The following MGAT5 variants were observed in gnomAD, a reference collection of about 807,000 sequenced individuals.
MGAT5 encodes the protein alpha-1,6-mannosylglycoprotein 6-beta-N-acetylglucosaminyltransferase.
MGAT5 carries 30 observed loss-of-function variants against 94.3 expected under a neutral mutation model. That is an observed-to-expected ratio of 0.32 (90% CI 0.24 to 0.43). The LOEUF (loss-of-function observed/expected upper bound fraction) is 0.43. Among genes scored for constraint, MGAT5 ranks in the 20% least tolerant of loss-of-function variants. The pLI is 1.00. For missense variants in MGAT5, 691 were observed against 905.5 expected (o/e 0.76, Z 3.04); for synonymous variants, 310 against 322.9 (o/e 0.96, Z 0.43).
At chr2:134,241,566 G>T (rs982134066) in intron 1 of MGAT5, among the ~76,000 whole-genome samples, 3 of 152,182 alleles carry the variant, frequency 2.0e-5, no homozygotes, top group African/African-American at 7.2e-5. Flanking sequence ...TAAATGCTGT[G>T]TATTACAGGT....
chr2:134,387,799 C>A (rs185060298), intron 10 of MGAT5, among the ~76,000 whole-genome samples: 3 of 152,218 alleles, frequency 2.0e-5, no homozygotes, highest in Non-Finnish European at 4.4e-5. Flanking sequence ...CCATTTATAG[C>A]CACAGATGGT....
chr2:134,262,482 G>C (rs1683399236), intron 1 of MGAT5, among the ~76,000 whole-genome samples: 1 of 144,356 alleles, frequency 6.9e-6, no homozygotes, highest in Non-Finnish European at 1.5e-5. Context: ...GGCCTCAAGT[G>C]ATCCTCCCAT....
intron 1 of MGAT5, among the ~76,000 whole-genome samples, chr2:134,155,171 C>T (rs911876707): frequency 1.3e-5 from 2 of 152,172 alleles, no homozygotes; most frequent in Admixed American, 1.3e-4. Flanking sequence ...GCTCTCTTTC[C>T]CCACCGCCCA....
chr2:134,161,530 C>T (rs973227575), intron 1 of MGAT5, among the ~76,000 whole-genome samples: 7 of 152,184 alleles, frequency 4.6e-5, no homozygotes, highest in Admixed American at 1.3e-4. Flanking sequence ...AAGCCTGGGC[C>T]GCTAGGAAGA....
At chr2:134,236,113 A>G (rs565044806) in intron 1 of MGAT5, among the ~76,000 whole-genome samples, 16 of 152,286 alleles carry the variant, frequency 1.1e-4, no homozygotes, top group African/African-American at 2.4e-4. Flanking sequence ...TACAAAACCA[A>G]AGTTTTGAGA....
At chr2:134,346,070 A>G (rs1688910299) in intron 8 of MGAT5, among the ~76,000 whole-genome samples, 2 of 152,174 alleles carry the variant, frequency 1.3e-5, no homozygotes, top group Admixed American at 1.3e-4. Context: ...TACCTTTTGC[A>G]TGAGGTGTTT....
At chr2:134,125,789 T>G (rs1685813289) in intron 1 of MGAT5, among the ~76,000 whole-genome samples, 1 of 152,212 alleles carries the variant, frequency 6.6e-6, no homozygotes, top group Admixed American at 6.5e-5. Flanking sequence ...CATCCCCAGC[T>G]GGGAGAATCT....
intron 1 of MGAT5, among the ~76,000 whole-genome samples, chr2:134,241,812 C>T (rs1009728649): frequency 6.6e-6 from 1 of 152,094 alleles, no homozygotes; most frequent in Non-Finnish European, 1.5e-5. Flanking sequence ...CCTCACAGGT[C>T]ATACATAAGA....
intron 10 of MGAT5, among the ~76,000 whole-genome samples, chr2:134,369,926 C>T (rs1453532639): frequency 6.6e-6 from 1 of 152,124 alleles, no homozygotes; most frequent in East Asian, 1.9e-4. Flanking sequence ...ACAGGATGGG[C>T]CCTGTCTCAA....
At chr2:134,181,289 GA>G (rs770732799) in intron 1 of MGAT5, among the ~76,000 whole-genome samples, 13 of 152,204 alleles carry the variant, frequency 8.5e-5, no homozygotes, top group Non-Finnish European at 1.9e-4. Context: ...CCACAGCCAG[GA>G]ATTATCCAGC....
intron 1 of MGAT5, among the ~76,000 whole-genome samples, chr2:134,204,349 G>C (rs1679933530): frequency 6.6e-6 from 1 of 152,162 alleles, no homozygotes; most frequent in South Asian, 2.1e-4. Flanking sequence ...TCCCTGTTCT[G>C]TACTGTGCCC....
chr2:134,271,978 G>A (rs1053953036), intron 2 of MGAT5, among the ~76,000 whole-genome samples: 1 of 152,218 alleles, frequency 6.6e-6, no homozygotes, highest in Admixed American at 6.5e-5. Flanking sequence ...GGGATGGAGT[G>A]TTCTGCCTTT....
chr2:134,229,059 A>G (rs1681215283), intron 1 of MGAT5, among the ~76,000 whole-genome samples: 2 of 152,212 alleles, frequency 1.3e-5, no homozygotes, highest in Admixed American at 1.3e-4. Context: ...GTTGTAGTTA[A>G]TAATTGTTTA....
rs1023852535 is a variant in MGAT5 at position 134,451,074 on chromosome 2, G to A, written c.*2227G>A. On this transcript the variant is annotated 3_prime_UTR_variant, in exon 16 of 16. Transcript: ENST00000281923. Reference sequence around the variant, plus strand: ...AATGCAAGTATCTGACCAACAGGGGGAGCCTGCAGGCCGAGCAAAGTTTAA... The same window carrying A: ...AATGCAAGTATCTGACCAACAGGGGAAGCCTGCAGGCCGAGCAAAGTTTAA... 6.6e-6 allele frequency: 1 copy of A among 152,096 alleles called. No individual in the cohort carries two copies. The highest frequency in any genetic ancestry group is 1.5e-5 in the Non-Finnish European group (1 of 68,036). The allele number at this position is 152,096 out of a possible 1,614,324, so 9.4% of individuals were successfully genotyped here.
chr2:134,208,424 G>A (rs1451736070), intron 1 of MGAT5, among the ~76,000 whole-genome samples: 2 of 152,170 alleles, frequency 1.3e-5, no homozygotes, highest in African/African-American at 4.8e-5. Context: ...TGACTGTTTA[G>A]GAAGCTTGGT....
At chr2:134,407,931 C>G (rs1469798502) in intron 11 of MGAT5, among the ~76,000 whole-genome samples, 1 of 152,154 alleles carries the variant, frequency 6.6e-6, no homozygotes, top group Admixed American at 6.5e-5. Flanking sequence ...CATGCTATTG[C>G]GATGCACCTG....
chr2:134,262,230 T>C (rs1215598366), intron 1 of MGAT5, among the ~76,000 whole-genome samples: 2 of 152,200 alleles, frequency 1.3e-5, no homozygotes, highest in Admixed American at 1.3e-4. Flanking sequence ...GGTGTTGTTT[T>C]TGTTTTATTT....
intron 2 of MGAT5, among the ~76,000 whole-genome samples, chr2:134,289,413 T>C (rs4954125): frequency 6.6e-6 from 1 of 152,000 alleles, no homozygotes; most frequent in African/African-American, 2.4e-5. Context: ...AGCCAGCTGC[T>C]TCCTGCCAGT....
At chr2:134,240,002 TA>T (rs1209758102) in intron 1 of MGAT5, among the ~76,000 whole-genome samples, 6 of 152,038 alleles carry the variant, frequency 3.9e-5, no homozygotes, top group African/African-American at 1.4e-4. Flanking sequence ...GTCGATCTAG[TA>T]AAATCCAACT....
Sources: gnomAD v4.1 joint callset for allele counts (sites outside exome capture counted in the v4.1 genomes callset) on GRCh38, gnomAD v4.1.1 for gene constraint, MANE v1.5 for transcripts, NCBI Gene and HGNC (gene_info 2026-07-23, HGNC 2026-07-21) for gene names.